ADARB2: variants seen among roughly 807,000 people sequenced by gnomAD.
ADARB2 encodes the protein adenosine deaminase RNA specific B2 (inactive).
Under a neutral mutation model 62.2 loss-of-function variants are expected in ADARB2, and 25 were observed. The observed-to-expected ratio is 0.40, with a 90% CI of 0.29 to 0.56. The LOEUF is 0.56. ADARB2 is among the 20% of genes least tolerant of loss of function. ADARB2 has a pLI of 0.43. For synonymous variants in ADARB2, 572 were observed against 500.8 expected (o/e 1.14, Z -1.90); for missense variants, 1,071 against 1,077.4 (o/e 0.99, Z 0.08).
At chr10:1,256,856 T>C (rs942840065) in intron 4 of ADARB2, among the ~76,000 whole-genome samples, 1 of 152,126 alleles carries the variant, frequency 6.6e-6, no homozygotes, top group South Asian at 2.1e-4. Context: ...TCACCCCATA[T>C]CAAAGGAACA....
chr10:1,227,002 G>A (rs577285392), intron 6 of ADARB2, among the ~76,000 whole-genome samples: 1 of 152,366 alleles, frequency 6.6e-6, no homozygotes, highest in Non-Finnish European at 1.5e-5. Context: ...CCCCAGAGGT[G>A]GAGCCTATAG....
At chr10:1,664,080 T>C (rs1212422291) in intron 1 of ADARB2, among the ~76,000 whole-genome samples, 1 of 152,040 alleles carries the variant, frequency 6.6e-6, no homozygotes, top group African/African-American at 2.4e-5. Context: ...GCCTGTGTTT[T>C]CACGCCTGTG....
At chr10:1,385,368 G>T (rs1004877766) in intron 1 of ADARB2, among the ~76,000 whole-genome samples, 4 of 152,122 alleles carry the variant, frequency 2.6e-5, no homozygotes, top group Non-Finnish European at 5.9e-5. Flanking sequence ...ATAGATGTTA[G>T]AAATATTTTT....
At chr10:1,427,490 C>A (rs1040872997) in intron 1 of ADARB2, among the ~76,000 whole-genome samples, 4 of 152,140 alleles carry the variant, frequency 2.6e-5, no homozygotes, top group African/African-American at 7.2e-5. Context: ...ATGTCATTAG[C>A]CATTAAGGAG....
chr10:1,598,049 G>C (rs1484746784), intron 1 of ADARB2, among the ~76,000 whole-genome samples: 1 of 152,238 alleles, frequency 6.6e-6, no homozygotes, highest in East Asian at 1.9e-4. Context: ...GTTCTGACTT[G>C]TAAGTAAGAG....
chr10:1,550,871 CCT>C (rs112681505), intron 1 of ADARB2, among the ~76,000 whole-genome samples: 50,890 of 151,604 alleles, frequency 0.34, 9,043 homozygotes, highest in Non-Finnish European at 0.39. Flanking sequence ...CCGTGCGAGC[CCT>C]GTTTGTGCCG....
chr10:1,299,979 CA>C (rs1831558847), intron 3 of ADARB2, among the ~76,000 whole-genome samples: 1 of 152,190 alleles, frequency 6.6e-6, no homozygotes, highest in African/African-American at 2.4e-5. Flanking sequence ...CCTACCTCAC[CA>C]GGGGGGCCCG....
In ADARB2 at chr10:1,206,285, G is replaced by A. The variant is rs531704101; in HGVS notation, c.1683-6138C>T. ...ATTCCTCCTTAAGCCGGCTACCTGC[G>A]CGGGGGCCACGCTCTCCCACTGGGA... On this transcript the variant is annotated intron_variant, in intron 7 of 9. Coordinates refer to ENST00000381312, the MANE Select transcript of ADARB2 (RefSeq NM_018702.4). Among the ~76,000 whole-genome samples the A allele has an allele frequency of 4.5e-4, 68 of 152,272 alleles. No homozygotes were observed. The South Asian group carries it at 5.8e-3, about 13-fold the overall frequency.
rs554272647 is a variant in ADARB2 at position 1,563,736 on chromosome 10, C to T, written c.100+173315G>A. On this transcript the variant is annotated intron_variant, in intron 1 of 9. Transcript: ENST00000381312. ...TGCTGGTGCACTGCACCCACTAACT[C>T]GTCATCTAGCATTAGGTATATCTCC... Among the ~76,000 whole-genome samples the T allele has an allele frequency of 1.4e-4, 21 of 148,516 alleles. No homozygotes were observed. In the South Asian group the frequency reaches 2.0e-3, roughly 14 times the overall value.
chr10:1,493,912 C>T (rs182367415), intron 1 of ADARB2, among the ~76,000 whole-genome samples: 17 of 151,772 alleles, frequency 1.1e-4, no homozygotes, highest in Non-Finnish European at 2.1e-4. Context: ...TGCGCCACTA[C>T]GCCTGGCTAT....
chr10:1,513,359 G>T (rs960295414), intron 1 of ADARB2, among the ~76,000 whole-genome samples: 1 of 152,178 alleles, frequency 6.6e-6, no homozygotes, highest in Non-Finnish European at 1.5e-5. Context: ...CGGGATGACC[G>T]CCACCATCAG....
chr10:1,567,093 C>T (rs1832868686), intron 1 of ADARB2, among the ~76,000 whole-genome samples: 1 of 152,020 alleles, frequency 6.6e-6, no homozygotes, highest in African/African-American at 2.4e-5. Flanking sequence ...GAAGGACGAA[C>T]AGTAGGAAGG....
At chr10:1,638,031 G>C (rs1238130290) in intron 1 of ADARB2, among the ~76,000 whole-genome samples, 1 of 152,218 alleles carries the variant, frequency 6.6e-6, no homozygotes, top group Non-Finnish European at 1.5e-5. Context: ...TGGGTGGCTG[G>C]GAGGAGATGC....
chr10:1,671,259 C>G (rs970519428), intron 1 of ADARB2, among the ~76,000 whole-genome samples: 7 of 152,320 alleles, frequency 4.6e-5, no homozygotes, highest in African/African-American at 1.7e-4. Flanking sequence ...GAGGTCTGTG[C>G]TCCGCTCCTC....
At position 1,471,103 on chromosome 10, in the gene ADARB2, A is replaced by AGCCTGG. The variant is rs544168232; in HGVS notation, c.101-91949_101-91944dup. Reference sequence around the variant, plus strand: ...CAAAAAACACCTCCCATTTCTTAACAGCCTGGCAACCTACTGGAATGATCC... The same window carrying AGCCTGG: ...CAAAAAACACCTCCCATTTCTTAACAGCCTGGGCCTGGCAACCTACTGGAATGATCC... On this transcript the variant is annotated intron_variant, in intron 1 of 9. Transcript: ENST00000381312. 1.4e-3 allele frequency among the ~76,000 whole-genome samples: 214 copies of AGCCTGG among 152,294 alleles called. 1 individual carries two copies. Among genetic ancestry groups the AGCCTGG allele is most frequent in the African/African-American group, 4.9e-3 (204 of 41,564 alleles).
chr10:1,356,099 G>A (rs1292809188), intron 3 of ADARB2, among the ~76,000 whole-genome samples: 1 of 152,000 alleles, frequency 6.6e-6, no homozygotes, highest in African/African-American at 2.4e-5. Flanking sequence ...GTGACCTCTC[G>A]CTCTTTTTCT....
chr10:1,430,802 T>C (rs898913834), intron 1 of ADARB2, among the ~76,000 whole-genome samples: 4 of 151,492 alleles, frequency 2.6e-5, no homozygotes, highest in African/African-American at 7.3e-5. Context: ...GCCAAGAAAA[T>C]CACTGAAGGC....
At chr10:1,290,240 G>A (rs1271341402) in intron 3 of ADARB2, 2 of 152,146 alleles carry the variant, frequency 1.3e-5, no homozygotes, top group Admixed American at 6.5e-5. Flanking sequence ...TCTGCATGTT[G>A]TTGTTTATTT....
At chr10:1,726,043 T>C (rs943001952) in intron 1 of ADARB2, among the ~76,000 whole-genome samples, 1 of 152,272 alleles carries the variant, frequency 6.6e-6, no homozygotes, top group African/African-American at 2.4e-5. Flanking sequence ...CTCGCATTTT[T>C]AGTTTCCCTG....
Sources: gnomAD v4.1 joint callset for allele counts (sites outside exome capture counted in the v4.1 genomes callset) on GRCh38, gnomAD v4.1.1 for gene constraint, MANE v1.5 for transcripts, NCBI Gene and HGNC (gene_info 2026-07-23, HGNC 2026-07-21) for gene names.